The following OPRM1 variants were observed in gnomAD, a reference collection of about 807,000 sequenced individuals.
OPRM1 encodes mu-type opioid receptor.
OPRM1 carries 27 observed loss-of-function variants against 31.8 expected under a neutral mutation model. The observed-to-expected ratio is 0.85, with a 90% CI of 0.63 to 1.17. OPRM1 has a LOEUF of 1.17. Among genes scored for constraint, OPRM1 ranks in the 50% most tolerant of loss-of-function variants. OPRM1 has a pLI of 0.00. For synonymous variants in OPRM1, 196 were observed against 189.9 expected (o/e 1.03, Z -0.26); for missense variants, 536 against 511.1 (o/e 1.05, Z -0.47).
intron 3 of OPRM1, among the ~76,000 whole-genome samples, chr6:154,185,941 C>A (rs576300359): frequency 5.3e-5 from 8 of 152,320 alleles, no homozygotes; most frequent in Non-Finnish European, 1.0e-4. Context: ...TGACTTAGCC[C>A]CCAGAATAAC....
At chr6:154,081,628 C>T (rs1583422777) in intron 1 of OPRM1, among the ~76,000 whole-genome samples, 3 of 152,312 alleles carry the variant, frequency 2.0e-5, no homozygotes, top group African/African-American at 4.8e-5. Flanking sequence ...CTCAAGATTT[C>T]CAAGATACTC....
At chr6:154,226,563 C>G (rs1188894250) in intron 3 of OPRM1, among the ~76,000 whole-genome samples, 1 of 151,980 alleles carries the variant, frequency 6.6e-6, no homozygotes, top group Non-Finnish European at 1.5e-5. Context: ...TTCAATCCAC[C>G]CATTACCTAC....
intron 1 of OPRM1, among the ~76,000 whole-genome samples, chr6:154,083,931 G>A (rs749217544): frequency 1.1e-3 from 137 of 120,526 alleles, no homozygotes; most frequent in Non-Finnish European, 1.9e-3. Context: ...GCGACAAAGG[G>A]AGACTCCGTC....
chr6:154,036,666 TAAG>T (rs1000019634), upstream of OPRM1, among the ~76,000 whole-genome samples: 5 of 151,978 alleles, frequency 3.3e-5, no homozygotes, highest in African/African-American at 9.7e-5. Flanking sequence ...ACGTCTTCAT[TAAG>T]GTTTTCCCAT....
At chr6:154,060,510 C>T (rs922154364) in intron 1 of OPRM1, among the ~76,000 whole-genome samples, 5 of 152,158 alleles carry the variant, frequency 3.3e-5, no homozygotes, top group South Asian at 2.1e-4. Context: ...ATAGACTACT[C>T]CAGTCCATTC....
intron 3 of OPRM1, among the ~76,000 whole-genome samples, chr6:154,141,147 T>G (rs1215246501): frequency 6.6e-6 from 1 of 152,242 alleles, no homozygotes; most frequent in African/African-American, 2.4e-5. Flanking sequence ...TTTAGTTTTC[T>G]CATTCATCAG....
At chr6:154,107,551 A>G (rs1271124279) in intron 3 of OPRM1, 2 of 718,478 alleles carry the variant, frequency 2.8e-6, no homozygotes, top group Non-Finnish European at 5.2e-6. Flanking sequence ...TTCCCTTCCC[A>G]GGAAGAGTCT....
intron 3 of OPRM1, among the ~76,000 whole-genome samples, chr6:154,215,637 A>C (rs1778335001): frequency 6.6e-6 from 1 of 152,108 alleles, no homozygotes; most frequent in Non-Finnish European, 1.5e-5. Flanking sequence ...AATTTAAAAA[A>C]ATAAACAAAA....
At chr6:154,207,536 CTTCT>C (rs1025916075) in intron 3 of OPRM1, among the ~76,000 whole-genome samples, 7 of 150,440 alleles carry the variant, frequency 4.7e-5, no homozygotes, top group African/African-American at 1.7e-4. Flanking sequence ...ATTTCACCTC[CTTCT>C]GTGTTTAAAC....
rs1373585303 is a variant in OPRM1, at chr6:154,130,959, A to G, written c.*12238A>G. Among the ~76,000 whole-genome samples, 1 of 152,110 alleles carries G rather than the reference A, an allele frequency of 6.6e-6. No homozygotes were observed. Among genetic ancestry groups the G allele is most frequent in the Non-Finnish European group, 1.5e-5 (1 of 68,002 alleles). Reference sequence around the variant, plus strand: ...GTTTTCATTTTATTATGTTATATGAAAAAAAGAAACCTTGTAAGTGCAGAT... The same window carrying G: ...GTTTTCATTTTATTATGTTATATGAGAAAAAGAAACCTTGTAAGTGCAGAT... On this transcript the variant is annotated 3_prime_UTR_variant, in exon 4 of 4. Coordinates refer to ENST00000330432, the MANE Select transcript of OPRM1 (RefSeq NM_000914.5).
chr6:154,224,053 G>C (rs899645853), intron 3 of OPRM1, among the ~76,000 whole-genome samples: 1 of 152,202 alleles, frequency 6.6e-6, no homozygotes, highest in African/African-American at 2.4e-5. Flanking sequence ...AACAAAGCTA[G>C]ATTGTTCGTC....
At chr6:154,096,384 C>T (rs1374819881) in intron 3 of OPRM1, among the ~76,000 whole-genome samples, 1 of 152,006 alleles carries the variant, frequency 6.6e-6, no homozygotes, top group African/African-American at 2.4e-5. Context: ...TATCTTGACA[C>T]GTAGGTGATT....
intron 1 of OPRM1, among the ~76,000 whole-genome samples, chr6:154,067,167 C>T (rs1448151547): frequency 2.0e-5 from 3 of 151,626 alleles, no homozygotes; most frequent in African/African-American, 7.3e-5. Context: ...GTTTCTATTT[C>T]ATTTATCTCT....
chr6:154,114,254 C>G (rs1796628900), intron 3 of OPRM1, among the ~76,000 whole-genome samples: 1 of 152,188 alleles, frequency 6.6e-6, no homozygotes, highest in South Asian at 2.1e-4. Context: ...TCTTTACCGT[C>G]TAGGATCAAC....
At chr6:154,246,584 G>GACTC in intron 3 of OPRM1, 2 of 1,606,760 alleles carry the variant, frequency 1.2e-6, no homozygotes, top group Non-Finnish European at 1.7e-6. Flanking sequence ...GAAGAAAGCA[G>GACTC]ACTCACCATT....
intron 3 of OPRM1, among the ~76,000 whole-genome samples, chr6:154,147,656 T>C (rs1267729685): frequency 6.6e-6 from 1 of 152,212 alleles, no homozygotes; most frequent in African/African-American, 2.4e-5. Context: ...CTCCTCATGA[T>C]TATCAATCAT....
intron 3 of OPRM1, among the ~76,000 whole-genome samples, chr6:154,234,051 T>C (rs573693309): frequency 6.6e-6 from 1 of 152,158 alleles, no homozygotes; most frequent in East Asian, 1.9e-4. Context: ...CTTAAAAACA[T>C]ACAAAAATTA....
chr6:154,246,410 A>G (rs1181634141), intron 3 of OPRM1, among the ~76,000 whole-genome samples: 1 of 152,188 alleles, frequency 6.6e-6, no homozygotes, highest in African/African-American at 2.4e-5. Flanking sequence ...TCTTCTCCAT[A>G]AAACACAGAA....
At chr6:154,091,848 C>G (rs1168632248) in intron 3 of OPRM1, 3 of 1,001,202 alleles carry the variant, frequency 3.0e-6, no homozygotes, top group East Asian at 1.1e-4. Context: ...CAATACCCCT[C>G]TTATTTCTCA....
Sources: gnomAD v4.1 joint callset for allele counts (sites outside exome capture counted in the v4.1 genomes callset) on GRCh38, gnomAD v4.1.1 for gene constraint, MANE v1.5 for transcripts, NCBI Gene and HGNC (gene_info 2026-07-23, HGNC 2026-07-21) for gene names.